CTNNA2: variants seen among roughly 807,000 people sequenced by gnomAD.
CTNNA2 encodes catenin alpha 2.
A neutral mutation model predicts 101.0 loss-of-function variants in CTNNA2; 42 were observed. The observed-to-expected ratio is 0.42, with a 90% CI of 0.32 to 0.54. The LOEUF (loss-of-function observed/expected upper bound fraction) is 0.54. Among genes scored for constraint, CTNNA2 ranks in the 20% least tolerant of loss-of-function variants. The pLI, the probability that CTNNA2 is intolerant of heterozygous loss-of-function variation, is 0.14. For synonymous variants in CTNNA2, 450 were observed against 456.4 expected (o/e 0.99, Z 0.18); for missense variants, 871 against 1,223.1 (o/e 0.71, Z 4.29).
chr2:80,338,663 A>G (rs1052169764), intron 7 of CTNNA2, among the ~76,000 whole-genome samples: 2 of 152,196 alleles, frequency 1.3e-5, no homozygotes, highest in African/African-American at 4.8e-5. Context: ...CTGGTGAAGA[A>G]GGTGCATCCC....
At chr2:79,865,965 C>T (rs1286934945) in intron 4 of CTNNA2, among the ~76,000 whole-genome samples, 1 of 152,226 alleles carries the variant, frequency 6.6e-6, no homozygotes, top group Non-Finnish European at 1.5e-5. Flanking sequence ...GTGATCCGCC[C>T]GCCTCGGCCT....
chr2:80,536,943 C>T (rs556733177), intron 9 of CTNNA2, among the ~76,000 whole-genome samples: 4 of 152,318 alleles, frequency 2.6e-5, no homozygotes, highest in South Asian at 4.1e-4. Context: ...TTCTGGGATA[C>T]GTGTGCAGAA....
intron 4 of CTNNA2, among the ~76,000 whole-genome samples, chr2:79,478,465 G>A (rs746614851): frequency 5.3e-5 from 8 of 152,096 alleles, no homozygotes; most frequent in South Asian, 2.1e-4. Flanking sequence ...GGCTAACTTC[G>A]TCGATGATCA....
chr2:79,976,117 A>G (rs563941833), intron 7 of CTNNA2, among the ~76,000 whole-genome samples: 3 of 152,362 alleles, frequency 2.0e-5, no homozygotes, highest in East Asian at 1.9e-4. Context: ...TTTAGGAACT[A>G]CATGTCAGGA....
At chr2:79,467,952 A>G (rs913204562) in intron 4 of CTNNA2, among the ~76,000 whole-genome samples, 32 of 152,220 alleles carry the variant, frequency 2.1e-4, no homozygotes, top group Non-Finnish European at 4.1e-4. Flanking sequence ...CATCAATGCT[A>G]AGAAGAAACT....
chr2:80,518,664 A>T (rs1019768113), intron 9 of CTNNA2, among the ~76,000 whole-genome samples: 1 of 152,200 alleles, frequency 6.6e-6, no homozygotes, highest in South Asian at 2.1e-4. Context: ...TGTATATACC[A>T]TAAAAACACA....
intron 1 of CTNNA2, among the ~76,000 whole-genome samples, chr2:79,604,158 GTGTC>G (rs965299814): frequency 2.6e-5 from 4 of 152,194 alleles, no homozygotes; most frequent in Non-Finnish European, 5.9e-5. Flanking sequence ...GTATGTCTGT[GTGTC>G]TGTGTGTCGT....
At chr2:79,519,404 G>A (rs1226173958) in intron 1 of CTNNA2, among the ~76,000 whole-genome samples, 1 of 152,138 alleles carries the variant, frequency 6.6e-6, no homozygotes, top group East Asian at 1.9e-4. Flanking sequence ...TTGAGCTAGA[G>A]ATTATAATTT....
intron 18 of CTNNA2, among the ~76,000 whole-genome samples, chr2:80,643,171 G>C (rs568628614): frequency 3.9e-4 from 59 of 152,262 alleles, no homozygotes; most frequent in Non-Finnish European, 7.6e-4. Context: ...GGAATAGGGA[G>C]AATGAGTGTA....
intron 3 of CTNNA2, among the ~76,000 whole-genome samples, chr2:79,850,112 T>C (rs894149985): frequency 2.0e-5 from 3 of 150,630 alleles, no homozygotes; most frequent in Non-Finnish European, 4.4e-5. Context: ...CTGGGAATAA[T>C]TGGAGAAGTG....
chr2:79,372,764 G>A (rs992194859), intron 3 of CTNNA2, among the ~76,000 whole-genome samples: 1 of 152,194 alleles, frequency 6.6e-6, no homozygotes, highest in Admixed American at 6.5e-5. Flanking sequence ...CAAATGAAAG[G>A]ATATACGGTA....
chr2:80,257,744 GC>G (rs1264800700), intron 7 of CTNNA2, among the ~76,000 whole-genome samples: 1 of 152,152 alleles, frequency 6.6e-6, no homozygotes, highest in Non-Finnish European at 1.5e-5. Context: ...TTGCAACTCT[GC>G]CTTCGGCATT....
chr2:79,846,365 A>G (rs1460771077), intron 3 of CTNNA2, among the ~76,000 whole-genome samples: 4 of 152,238 alleles, frequency 2.6e-5, no homozygotes, highest in Non-Finnish European at 5.9e-5. Context: ...TGCAAATTAT[A>G]AAATGTGCCT....
chr2:79,330,668 T>C (rs1676850479), intron 3 of CTNNA2, among the ~76,000 whole-genome samples: 1 of 152,142 alleles, frequency 6.6e-6, no homozygotes, highest in Non-Finnish European at 1.5e-5. Flanking sequence ...GACTTTCCTG[T>C]GCTGTTCGCA....
intron 7 of CTNNA2, among the ~76,000 whole-genome samples, chr2:80,066,271 T>G (rs1236591228): frequency 6.6e-6 from 1 of 152,204 alleles, no homozygotes; most frequent in Non-Finnish European, 1.5e-5. Flanking sequence ...AGCAACAGAT[T>G]GAAGAGACAA....
intron 4 of CTNNA2, among the ~76,000 whole-genome samples, chr2:79,461,972 G>C (rs1558671824): frequency 6.6e-6 from 1 of 151,802 alleles, no homozygotes; most frequent in African/African-American, 2.4e-5. Context: ...AAATGTTGAG[G>C]TGATGAGAAT....
At chr2:80,599,079 G>A (rs1697240120) in intron 15 of CTNNA2, among the ~76,000 whole-genome samples, 2 of 152,082 alleles carry the variant, frequency 1.3e-5, no homozygotes, top group South Asian at 4.1e-4. Flanking sequence ...GAGAAAGGCT[G>A]GGAGAAGAGT....
At chr2:79,435,535 G>A (rs1424498058) in intron 4 of CTNNA2, among the ~76,000 whole-genome samples, 1 of 152,156 alleles carries the variant, frequency 6.6e-6, no homozygotes, top group Non-Finnish European at 1.5e-5. Flanking sequence ...ACCTGAAAAA[G>A]GTACTCTAAC....
At chr2:80,244,919 G>A (rs1671206587) in intron 7 of CTNNA2, among the ~76,000 whole-genome samples, 1 of 152,130 alleles carries the variant, frequency 6.6e-6, no homozygotes, top group African/African-American at 2.4e-5. Flanking sequence ...AGACCTACAA[G>A]CGAGAGCCAG....
Sources: allele counts gnomAD v4.1 joint callset (sites outside exome capture counted in the v4.1 genomes callset), GRCh38; gene constraint gnomAD v4.1.1; transcripts MANE v1.5; gene names NCBI Gene and HGNC (gene_info 2026-07-23, HGNC 2026-07-21).